The following TPD52 variants were observed in gnomAD, a reference collection of about 807,000 sequenced individuals.
The protein encoded by TPD52 is prostate and colon associated protein.
Under a neutral mutation model 31.3 loss-of-function variants are expected in TPD52, and 17 were observed. The observed-to-expected ratio is 0.54, with a 90% CI of 0.37 to 0.82. The LOEUF (loss-of-function observed/expected upper bound fraction) is 0.82, where lower values mean the gene tolerates loss of function less well. Ranked by LOEUF, TPD52 falls within the 40% of genes least tolerant of loss-of-function variation. TPD52 has a pLI of 0.00. For missense variants in TPD52, 212 were observed against 240.1 expected, an observed-to-expected ratio of 0.88 and a Z score of 0.77; for synonymous variants, 83 against 89.6, an observed-to-expected ratio of 0.93 and a Z score of 0.42.
chr8:80,042,951 A>G (rs914810298), intron 6 of TPD52: 3 of 240,500 alleles, frequency 1.2e-5, no homozygotes, highest in African/African-American at 6.7e-5. Context: ...GAGGTAACGA[A>G]GCCGGGTAAA....
intron 1 of TPD52, among the ~76,000 whole-genome samples, chr8:80,130,151 T>A (rs1051822563): frequency 6.6e-6 from 1 of 152,028 alleles, no homozygotes; most frequent in Non-Finnish European, 1.5e-5. Flanking sequence ...TCTGCTGAGA[T>A]GAAGAGGAGG....
At chr8:80,130,953 C>T (rs949178311) in intron 1 of TPD52, among the ~76,000 whole-genome samples, 3 of 152,176 alleles carry the variant, frequency 2.0e-5, no homozygotes, top group Admixed American at 1.3e-4. Flanking sequence ...TTAAAGAGAA[C>T]AATCTAGGAA....
intron 1 of TPD52, among the ~76,000 whole-genome samples, chr8:80,125,794 CTAGAGA>C (rs1167854697): frequency 1.5e-4 from 23 of 152,170 alleles, no homozygotes; most frequent in African/African-American, 5.3e-4. Context: ...AATACAATTT[CTAGAGA>C]TAAACTATTA....
intron 1 of TPD52, among the ~76,000 whole-genome samples, chr8:80,162,372 G>A (rs926854528): frequency 3.9e-5 from 6 of 152,078 alleles, no homozygotes; most frequent in African/African-American, 1.4e-4. Context: ...ACAATGAGAA[G>A]GCAAGACACA....
intron 1 of TPD52, among the ~76,000 whole-genome samples, chr8:80,167,719 A>G (rs1013707415): frequency 7.2e-5 from 11 of 152,228 alleles, no homozygotes; most frequent in African/African-American, 2.7e-4. Context: ...TGTTAAAATG[A>G]TAGTGACATA....
intron 1 of TPD52, among the ~76,000 whole-genome samples, chr8:80,161,523 A>T (rs1469614733): frequency 3.9e-5 from 6 of 152,108 alleles, no homozygotes; most frequent in African/African-American, 1.4e-4. Flanking sequence ...TATTCTAGTG[A>T]CACTATTTCT....
intron 1 of TPD52, among the ~76,000 whole-genome samples, chr8:80,162,550 G>A (rs907080677): frequency 1.3e-4 from 20 of 151,670 alleles, no homozygotes; most frequent in African/African-American, 4.8e-4. Context: ...TTGAGCCCAG[G>A]AGTTCAAGGC....
intron 1 of TPD52, among the ~76,000 whole-genome samples, chr8:80,078,387 A>C (rs572045552): frequency 1.3e-5 from 2 of 152,376 alleles, no homozygotes; most frequent in Non-Finnish European, 2.9e-5. Flanking sequence ...CAAAAGCCAC[A>C]AGAACTTTTA....
chr8:80,155,000 T>TA (rs1810855594), intron 1 of TPD52, among the ~76,000 whole-genome samples: 3 of 119,544 alleles, frequency 2.5e-5, no homozygotes, highest in East Asian at 7.4e-4. Flanking sequence ...TTTGGTTTTT[T>TA]GTTTTTTTTT....
chr8:80,053,195 T>C, intron 3 of TPD52, 87 bp downstream of exon 3: 1 of 1,443,516 alleles, frequency 6.9e-7, no homozygotes. Flanking sequence ...GAAGCATCCT[T>C]ATCCTCTTTT....
intron 1 of TPD52, among the ~76,000 whole-genome samples, chr8:80,130,168 G>A (rs1334715544): frequency 6.6e-6 from 1 of 152,178 alleles, no homozygotes; most frequent in Non-Finnish European, 1.5e-5. Context: ...GAGGTGGAGG[G>A]AAAGTTTTGC....
At chr8:80,092,396 A>G (rs1424253802) in intron 1 of TPD52, among the ~76,000 whole-genome samples, 2 of 152,242 alleles carry the variant, frequency 1.3e-5, no homozygotes, top group East Asian at 1.9e-4. Context: ...CAGAATTAAC[A>G]TATTAATAGA....
At chr8:80,121,413 T>C (rs930368224) in intron 1 of TPD52, among the ~76,000 whole-genome samples, 1 of 152,282 alleles carries the variant, frequency 6.6e-6, no homozygotes, top group East Asian at 1.9e-4. Flanking sequence ...ATTATGGCCA[T>C]GGAGACAGAA....
At chr8:80,097,185 C>A (rs905664684) in intron 1 of TPD52, among the ~76,000 whole-genome samples, 1 of 152,208 alleles carries the variant, frequency 6.6e-6, no homozygotes, top group African/African-American at 2.4e-5. Flanking sequence ...AAGGTCCTAC[C>A]TCTCTTCAAT....
intron 1 of TPD52, among the ~76,000 whole-genome samples, chr8:80,129,245 A>C (rs895895323): frequency 6.6e-6 from 1 of 152,180 alleles, no homozygotes; most frequent in Non-Finnish European, 1.5e-5. Flanking sequence ...AATAATTGCT[A>C]TTATTTTAAA....
chr8:80,123,448 C>T (rs971984224), intron 1 of TPD52, among the ~76,000 whole-genome samples: 2 of 152,292 alleles, frequency 1.3e-5, no homozygotes, highest in East Asian at 1.9e-4. Context: ...ATATTCCAGC[C>T]GGGCACAACA....
intron 1 of TPD52, among the ~76,000 whole-genome samples, chr8:80,159,111 A>G (rs1811185885): frequency 6.6e-6 from 1 of 152,246 alleles, no homozygotes. Flanking sequence ...AGCATTTTAC[A>G]GAAGTATCTA....
chr8:80,061,656 C>T (rs938369944), intron 2 of TPD52, among the ~76,000 whole-genome samples: 13 of 152,134 alleles, frequency 8.5e-5, no homozygotes, highest in Non-Finnish European at 1.5e-4. Context: ...TGCACTCTAG[C>T]ATGGGTGACA....
chr8:80,054,844 G>C (rs1227853498), intron 2 of TPD52, among the ~76,000 whole-genome samples: 1 of 152,062 alleles, frequency 6.6e-6, no homozygotes, highest in Non-Finnish European at 1.5e-5. Context: ...CCCTGTGCTT[G>C]TCAGAGTCAC....
Sources: gnomAD v4.1 joint callset for allele counts (sites outside exome capture counted in the v4.1 genomes callset) on GRCh38, gnomAD v4.1.1 for gene constraint, MANE v1.5 for transcripts, NCBI Gene and HGNC (gene_info 2026-07-23, HGNC 2026-07-21) for gene names.